Variants in EXOC6B observed in about 807,000 individuals in gnomAD.
EXOC6B encodes the protein SEC15 homolog B.
Under a neutral mutation model 113.5 loss-of-function variants are expected in EXOC6B, and 54 were observed. The observed-to-expected ratio is 0.48, with a 90% CI of 0.38 to 0.60. The LOEUF is 0.60. EXOC6B is among the 20% of genes least tolerant of loss of function. The pLI, the probability that EXOC6B is intolerant of heterozygous loss-of-function variation, is 0.00. For synonymous variants in EXOC6B, 357 were observed against 339.0 expected, an observed-to-expected ratio of 1.05 and a Z score of -0.58; for missense variants, 797 against 977.5, an observed-to-expected ratio of 0.82 and a Z score of 2.46.
At chr2:72,731,897 A>G (rs911710673) in intron 3 of EXOC6B, among the ~76,000 whole-genome samples, 5 of 152,220 alleles carry the variant, frequency 3.3e-5, no homozygotes, top group Non-Finnish European at 7.3e-5. Context: ...TTAGGTGATA[A>G]GAAAGAAGCA....
At chr2:72,337,283 C>T (rs1688744073) in intron 19 of EXOC6B, among the ~76,000 whole-genome samples, 1 of 152,126 alleles carries the variant, frequency 6.6e-6, no homozygotes, top group Admixed American at 6.6e-5. Context: ...ATGGTTTCTT[C>T]CAAGGATGTT....
chr2:72,684,919 T>C (rs1369505688), intron 6 of EXOC6B, among the ~76,000 whole-genome samples: 1 of 152,116 alleles, frequency 6.6e-6, no homozygotes, highest in Non-Finnish European at 1.5e-5. Flanking sequence ...GATAGGGGTT[T>C]AGGTTAAGCA....
chr2:72,795,241 G>A (rs1444617136), intron 1 of EXOC6B, among the ~76,000 whole-genome samples: 1 of 152,138 alleles, frequency 6.6e-6, no homozygotes, highest in Non-Finnish European at 1.5e-5. Context: ...CAGCCCCTCT[G>A]AAAATTAGTT....
At chr2:72,342,913 T>G (rs1458359198) in intron 19 of EXOC6B, among the ~76,000 whole-genome samples, 2 of 152,150 alleles carry the variant, frequency 1.3e-5, no homozygotes, top group Non-Finnish European at 2.9e-5. Context: ...CAAAGAGATA[T>G]CTGCACTCCC....
At chr2:72,705,443 T>C (rs1204592487) in intron 6 of EXOC6B, among the ~76,000 whole-genome samples, 2 of 152,138 alleles carry the variant, frequency 1.3e-5, no homozygotes, top group African/African-American at 4.8e-5. Flanking sequence ...CTCTCACCAC[T>C]CCTAAGCCAC....
At chr2:72,552,336 G>C (rs1197953805) in intron 8 of EXOC6B, among the ~76,000 whole-genome samples, 2 of 152,156 alleles carry the variant, frequency 1.3e-5, no homozygotes, top group Admixed American at 1.3e-4. Context: ...CGATTGAAGA[G>C]AGTAAACAAA....
chr2:72,408,576 T>C (rs1693949390), intron 18 of EXOC6B, among the ~76,000 whole-genome samples: 1 of 152,112 alleles, frequency 6.6e-6, no homozygotes. Context: ...TATACAACTA[T>C]CTGATGTTTG....
intron 6 of EXOC6B, among the ~76,000 whole-genome samples, chr2:72,630,461 A>G (rs1316980171): frequency 6.6e-6 from 1 of 152,094 alleles, no homozygotes; most frequent in Admixed American, 6.6e-5. Flanking sequence ...GACCTGCATT[A>G]TCCTCTCTAC....
At position 72,632,370 on chromosome 2, in the gene EXOC6B, G is replaced by C. The variant is rs565619233; in HGVS notation, c.670-56702C>G. Among the ~76,000 whole-genome samples the C allele has an allele frequency of 6.6e-5, 10 of 152,192 alleles. No individual in the cohort carries two copies. In the East Asian group the frequency reaches 9.7e-4, roughly 15 times the overall value. ...AAATGTAAATGTAAAATATCAATTT[G>C]GAAAACTCCTTTTTAATGTGTAGGA... On this transcript the variant is annotated intron_variant, in intron 6 of 21. Coordinates refer to ENST00000272427, the MANE Select transcript of EXOC6B (RefSeq NM_015189.3).
At chr2:72,240,435 A>T (rs915619318) in intron 20 of EXOC6B, among the ~76,000 whole-genome samples, 1 of 152,234 alleles carries the variant, frequency 6.6e-6, no homozygotes, top group Admixed American at 6.5e-5. Context: ...ACGGAAAAAA[A>T]AATAATAAAG....
At chr2:72,603,808 C>T (rs1180757682) in intron 6 of EXOC6B, among the ~76,000 whole-genome samples, 5 of 152,126 alleles carry the variant, frequency 3.3e-5, no homozygotes, top group African/African-American at 9.7e-5. Context: ...ATGAAGGGCA[C>T]TTTATATCTT....
intron 19 of EXOC6B, among the ~76,000 whole-genome samples, chr2:72,364,098 A>C (rs1459497702): frequency 1.3e-5 from 2 of 152,190 alleles, no homozygotes; most frequent in Non-Finnish European, 2.9e-5. Flanking sequence ...CACTGGGTAG[A>C]AAGATGTAAG....
intron 6 of EXOC6B, among the ~76,000 whole-genome samples, chr2:72,680,510 C>T (rs1016170467): frequency 1.3e-5 from 2 of 152,062 alleles, no homozygotes; most frequent in East Asian, 3.9e-4. Context: ...GAGCCCAACA[C>T]GGTAGATCAC....
At chr2:72,671,755 GAAAGAAAGAAAGAAAGAAAGAAAGAA>G (rs1675831997) in intron 6 of EXOC6B, among the ~76,000 whole-genome samples, 24 of 14,732 alleles carry the variant, frequency 1.6e-3, no homozygotes, top group African/African-American at 2.7e-3. Flanking sequence ...GACAGAGAAA[GAAAGAAAGAAAGAAAGAAAGAAAGAA>G]AGAAAGAAAG....
chr2:72,489,887 T>C (rs1212607343), intron 16 of EXOC6B, among the ~76,000 whole-genome samples: 2 of 152,056 alleles, frequency 1.3e-5, no homozygotes, highest in African/African-American at 4.8e-5. Context: ...GGAAAAAAGA[T>C]AGAGCATATG....
chr2:72,286,909 A>C (rs1172205309), intron 20 of EXOC6B, among the ~76,000 whole-genome samples: 2 of 152,196 alleles, frequency 1.3e-5, no homozygotes, highest in Non-Finnish European at 2.9e-5. Context: ...ATTAAAACGG[A>C]AATTAGAAAA....
intron 6 of EXOC6B, among the ~76,000 whole-genome samples, chr2:72,621,995 A>G (rs1573502875): frequency 1.3e-5 from 2 of 152,232 alleles, no homozygotes; most frequent in East Asian, 3.9e-4. Flanking sequence ...ACATTAACTT[A>G]AAAAGATGTC....
intron 20 of EXOC6B, among the ~76,000 whole-genome samples, chr2:72,311,003 GCT>G (rs1687156438): frequency 6.6e-6 from 1 of 152,012 alleles, no homozygotes; most frequent in African/African-American, 2.4e-5. Context: ...TTCAAACTCA[GCT>G]CTGTCTAAAT....
intron 6 of EXOC6B, among the ~76,000 whole-genome samples, chr2:72,658,928 G>C (rs776499659): frequency 6.6e-6 from 1 of 152,078 alleles, no homozygotes; most frequent in East Asian, 1.9e-4. Flanking sequence ...AGAAAATTCA[G>C]AGTAAAGCAC....
Sources: gnomAD v4.1 joint callset for allele counts (sites outside exome capture counted in the v4.1 genomes callset) on GRCh38, gnomAD v4.1.1 for gene constraint, MANE v1.5 for transcripts, NCBI Gene and HGNC (gene_info 2026-07-23, HGNC 2026-07-21) for gene names.